LRRTM4: variants seen among roughly 807,000 people sequenced by gnomAD.
The protein encoded by LRRTM4 is leucine rich repeat transmembrane neuronal 4, also known as leucine-rich repeat transmembrane neuronal protein 4.
In LRRTM4, 25 loss-of-function variants were observed where a neutral mutation model predicts 47.6. The ratio of observed to expected loss-of-function variants is 0.53; its 90% confidence interval spans 0.38 to 0.73. The LOEUF (loss-of-function observed/expected upper bound fraction) is 0.73. Ranked by LOEUF, LRRTM4 falls within the 30% of genes least tolerant of loss-of-function variation. The pLI, the probability that LRRTM4 is intolerant of heterozygous loss-of-function variation, is 0.00. For missense variants in LRRTM4, 638 were observed against 713.4 expected (o/e 0.89, Z 1.20); for synonymous variants, 311 against 269.5 (o/e 1.15, Z -1.51).
intron 3 of LRRTM4, among the ~76,000 whole-genome samples, chr2:77,076,177 A>T (rs1259678227): frequency 6.6e-6 from 1 of 152,130 alleles, no homozygotes; most frequent in Middle Eastern, 3.2e-3. Flanking sequence ...CCCATCTAAC[A>T]TAAATGGCTT....
chr2:76,775,706 C>T (rs1250278273), intron 3 of LRRTM4, among the ~76,000 whole-genome samples: 3 of 151,996 alleles, frequency 2.0e-5, no homozygotes, highest in African/African-American at 7.2e-5. Context: ...TGGAGTTAGC[C>T]TATCCCTTCC....
At position 77,445,849 on chromosome 2, in the gene LRRTM4, T is replaced by C. The variant is rs188567724; in HGVS notation, c.1551+72469A>G. Among the ~76,000 whole-genome samples, 4 of 152,146 alleles carry C rather than the reference T, an allele frequency of 2.6e-5. No individual in the cohort carries two copies. In the East Asian group the frequency reaches 7.7e-4, roughly 29 times the overall value. ...ACAAGTGATAAAAATACCACCTATC[T>C]GATGGGCTTTCGTGAGAAATAAATG... On this transcript the variant is annotated intron_variant, in intron 3 of 3. Transcript: ENST00000409884.
intron 3 of LRRTM4, among the ~76,000 whole-genome samples, chr2:77,166,789 T>G (rs915368801): frequency 6.6e-6 from 1 of 152,126 alleles, no homozygotes; most frequent in Non-Finnish European, 1.5e-5. Flanking sequence ...TCCTTACACC[T>G]TATACAAAAA....
At chr2:77,451,689 AAAC>A (rs1342427267) in intron 3 of LRRTM4, among the ~76,000 whole-genome samples, 4 of 152,320 alleles carry the variant, frequency 2.6e-5, no homozygotes, top group Non-Finnish European at 5.9e-5. Flanking sequence ...CAGTAGGTGA[AAAC>A]AACTAACTTA....
chr2:77,363,428 C>T (rs890288056), intron 3 of LRRTM4, among the ~76,000 whole-genome samples: 9 of 152,194 alleles, frequency 5.9e-5, no homozygotes, highest in East Asian at 3.9e-4. Flanking sequence ...CAGACTCCAG[C>T]GTTGTCCCTA....
chr2:77,519,826 C>T lies in LRRTM4; in HGVS notation c.43G>A (p.Val15Met). ...AGCAGTGTAGGAAGTAGCACCAGCA[C>T]CACACTCATGCCTTTCAGCTGCGTA... ...LITQLKGMSV[V>M]LVLLPTLLLV... The change falls in exon 3 of 4, where the codon GTG becomes ATG. Residue 15 changes from valine (V) to methionine (M), a missense_variant. Coordinates refer to ENST00000409884, the MANE Select transcript of LRRTM4 (RefSeq NM_001134745.3). The surrounding 1 kb of genome is among the most constrained non-coding windows in gnomAD (Gnocchi z 4.6). 11 of 1,611,932 alleles carry T rather than the reference C, an allele frequency of 6.8e-6. No homozygotes were observed. Among genetic ancestry groups the T allele is most frequent in the South Asian group, 2.2e-5 (2 of 90,946 alleles).
chr2:77,150,698 A>T (rs957030167), intron 3 of LRRTM4, among the ~76,000 whole-genome samples: 8 of 152,208 alleles, frequency 5.3e-5, no homozygotes, highest in African/African-American at 1.7e-4. Flanking sequence ...TGTTAAAAGA[A>T]CAGCCTGGGT....
intron 3 of LRRTM4, among the ~76,000 whole-genome samples, chr2:76,789,873 C>T (rs1179632286): frequency 6.6e-6 from 1 of 152,062 alleles, no homozygotes; most frequent in African/African-American, 2.4e-5. Context: ...GGGAAATTAT[C>T]AGCACTCTTC....
At chr2:77,178,048 T>G (rs1204058352) in intron 3 of LRRTM4, among the ~76,000 whole-genome samples, 1 of 152,218 alleles carries the variant, frequency 6.6e-6, no homozygotes, top group Non-Finnish European at 1.5e-5. Context: ...TTCTTCATGC[T>G]TAGAAGAGTG....
At chr2:76,899,224 T>C (rs1310339167) in intron 3 of LRRTM4, among the ~76,000 whole-genome samples, 3 of 150,866 alleles carry the variant, frequency 2.0e-5, no homozygotes, top group Non-Finnish European at 4.4e-5. Flanking sequence ...TAGAGAGAGA[T>C]GCTGGGACAC....
intron 3 of LRRTM4, among the ~76,000 whole-genome samples, chr2:77,099,493 T>G (rs568121985): frequency 6.6e-6 from 1 of 152,148 alleles, no homozygotes; most frequent in South Asian, 2.1e-4. Flanking sequence ...GATATGTTAA[T>G]AATCTTAAGC....
intron 3 of LRRTM4, among the ~76,000 whole-genome samples, chr2:77,211,496 C>T (rs1674292164): frequency 6.6e-6 from 1 of 152,120 alleles, no homozygotes; most frequent in African/African-American, 2.4e-5. Flanking sequence ...ACTTCCAATC[C>T]ACCCATAACT....
In LRRTM4 at chr2:76,788,062, GTTGTTACTA is replaced by G. The variant is rs1674776120; in HGVS notation, c.1552-39155_1552-39147del. 2.0e-5 allele frequency among the ~76,000 whole-genome samples: 3 copies of G among 152,154 alleles called. No individual in the cohort carries two copies. The South Asian group carries it at 6.2e-4, about 32-fold the overall frequency. On this transcript the variant is annotated intron_variant, in intron 3 of 3. Coordinates refer to ENST00000409884, the MANE Select transcript of LRRTM4 (RefSeq NM_001134745.3). Reference sequence around the variant, plus strand: ...TAGGAAAAGATGAATGAATGTTACTGTTGTTACTATTGTTGTTAGGAGACAGCATTCTTG... The same window carrying G: ...TAGGAAAAGATGAATGAATGTTACTGTTGTTGTTAGGAGACAGCATTCTTG...
rs575205333 is a variant in LRRTM4 at position 76,889,175 on chromosome 2, CTG to C, written c.1552-140261_1552-140260del. On this transcript the variant is annotated intron_variant, in intron 3 of 3. Coordinates refer to ENST00000409884, the MANE Select transcript of LRRTM4 (RefSeq NM_001134745.3). ...TTGATTTTGCACTTGATTAGATTAA[CTG>C]TAATTAATGTAAGGTTAATGGTGTT... is the stretch of plus-strand genomic sequence containing the variant. 1.5e-3 allele frequency among the ~76,000 whole-genome samples: 229 copies of C among 151,950 alleles called. 1 individual carries two copies. Among genetic ancestry groups the C allele is most frequent in the African/African-American group, 5.0e-3 (208 of 41,518 alleles).
intron 3 of LRRTM4, among the ~76,000 whole-genome samples, chr2:76,784,882 A>G (rs1674589599): frequency 6.6e-6 from 1 of 152,146 alleles, no homozygotes; most frequent in Non-Finnish European, 1.5e-5. Flanking sequence ...TGCTTTGATC[A>G]TAGAAGCAGT....
chr2:77,223,778 T>C (rs928838655), intron 3 of LRRTM4, among the ~76,000 whole-genome samples: 4 of 152,124 alleles, frequency 2.6e-5, no homozygotes, highest in African/African-American at 9.7e-5. Context: ...AAAATGGCCA[T>C]ACTGCCCAAG....
rs192296759 is a variant in LRRTM4, at chr2:76,917,275, T to G, written c.1552-168359A>C. On this transcript the variant is annotated intron_variant, in intron 3 of 3. Coordinates refer to ENST00000409884, the MANE Select transcript of LRRTM4 (RefSeq NM_001134745.3). ...TTGACTGGGCCTGTGGAGTGTAGCT[T>G]CATGATCTCTGATACACAAAGTTCA... Among the ~76,000 whole-genome samples, 768 of 152,284 alleles carry G rather than the reference T, an allele frequency of 5.0e-3. 5 individuals carry two copies. The highest frequency in any genetic ancestry group is 7.9e-3 in the Non-Finnish European group (536 of 68,014).
At chr2:77,011,857 T>A (rs1376695500) in intron 3 of LRRTM4, among the ~76,000 whole-genome samples, 2 of 152,062 alleles carry the variant, frequency 1.3e-5, no homozygotes, top group Non-Finnish European at 2.9e-5. Flanking sequence ...TGTGTAAATT[T>A]ACTGGGGAGA....
intron 3 of LRRTM4, among the ~76,000 whole-genome samples, chr2:77,511,213 A>G (rs1398121211): frequency 4.6e-5 from 7 of 152,084 alleles, no homozygotes; most frequent in Admixed American, 1.3e-4. Context: ...TTCCACAAAT[A>G]TTTACTTTTG....
Sources: allele counts gnomAD v4.1 joint callset (sites outside exome capture counted in the v4.1 genomes callset), GRCh38; gene constraint gnomAD v4.1.1; non-coding constraint Gnocchi (gnomAD v3.1); transcripts MANE v1.5; gene names NCBI Gene and HGNC (gene_info 2026-07-23, HGNC 2026-07-21).